The following SLC22A23 variants were observed in gnomAD, a reference collection of about 807,000 sequenced individuals.
The protein encoded by SLC22A23 is ion transporter protein.
Under a neutral mutation model 61.0 loss-of-function variants are expected in SLC22A23, and 26 were observed. That is an observed-to-expected ratio of 0.43 (90% CI 0.31 to 0.59). The LOEUF is 0.59. Among genes scored for constraint, SLC22A23 ranks in the 20% least tolerant of loss-of-function variants. The pLI is 0.11. For missense variants in SLC22A23, 796 were observed against 934.7 expected, an observed-to-expected ratio of 0.85 and a Z score of 1.94; for synonymous variants, 430 against 413.9, an observed-to-expected ratio of 1.04 and a Z score of -0.47.
At position 3,296,333 on chromosome 6, in the gene SLC22A23, T is replaced by C. The variant is rs1320220287; in HGVS notation, c.1210+1758A>G. On this transcript the variant is annotated intron_variant, in intron 5 of 9. Coordinates refer to ENST00000406686, the MANE Select transcript of SLC22A23 (RefSeq NM_015482.2). ...GTGGCAAAGCCACCCCTGCTGGACT[T>C]TGCACCCCTGCTGGACAAGTCCTCG... Among the ~76,000 whole-genome samples the C allele has an allele frequency of 2.0e-5, 3 of 152,166 alleles. No homozygotes were observed. The South Asian group carries it at 6.2e-4, about 32-fold the overall frequency.
rs575444961 is a variant in SLC22A23 at position 3,362,839 on chromosome 6, T to C, written c.914-38837A>G. Among the ~76,000 whole-genome samples, 16 of 117,976 alleles carry C rather than the reference T, an allele frequency of 1.4e-4. No homozygotes were observed. In the South Asian group the frequency reaches 5.3e-3, roughly 39 times the overall value. 77.4% of individuals were successfully genotyped at this position (117,976 alleles called of 152,430 possible). A position where few individuals can be genotyped will look rare whatever the true frequency, so the allele number is the denominator to read the frequency against. ...CATTAAGGACCATCGAATAAAGATTTTGAGGGCAAGGGGAATGGGGTGGTG... is the reference window on the plus strand; with the variant it reads ...CATTAAGGACCATCGAATAAAGATTCTGAGGGCAAGGGGAATGGGGTGGTG... On this transcript the variant is annotated intron_variant, in intron 3 of 9. Transcript: ENST00000406686.
rs1763379855 is a variant in SLC22A23, at chr6:3,328,126, T to A, written c.914-4124A>T. Among the ~76,000 whole-genome samples the A allele has an allele frequency of 6.6e-6, 1 of 151,490 alleles. No individual in the cohort carries two copies. Among genetic ancestry groups the A allele is most frequent in the South Asian group, 2.1e-4 (1 of 4,766 alleles). On this transcript the variant is annotated intron_variant, in intron 3 of 9. Coordinates refer to ENST00000406686, the MANE Select transcript of SLC22A23 (RefSeq NM_015482.2). This position sits in a 1 kb window ranked among gnomAD's most constrained non-coding sequence, Gnocchi z 5.0. Reference sequence around the variant, plus strand: ...CAACCGTTACTTTTCCCCTAACACCTTAATGAAGAATGCTTACAAGCTACT... The same window carrying A: ...CAACCGTTACTTTTCCCCTAACACCATAATGAAGAATGCTTACAAGCTACT...
Position 3,308,983 on chromosome 6 carries a change from C to CCA in SLC22A23, c.1083-10767_1083-10766dup, listed in dbSNP as rs373415694. Among the ~76,000 whole-genome samples, 12 of 151,918 alleles carry CCA rather than the reference C, an allele frequency of 7.9e-5. 1 individual carries two copies. Among genetic ancestry groups the CCA allele is most frequent in the African/African-American group, 2.9e-4 (12 of 41,408 alleles). ...AAACCAACCAAAAAACCCCAACAACCCACAGTGTGGATCGGCAGGTCCCTA... is the reference window on the plus strand; with the variant it reads ...AAACCAACCAAAAAACCCCAACAACCCACACAGTGTGGATCGGCAGGTCCCTA... On this transcript the variant is annotated intron_variant, in intron 4 of 9. Coordinates refer to ENST00000406686, the MANE Select transcript of SLC22A23 (RefSeq NM_015482.2). The surrounding 1 kb of genome is among the most constrained non-coding windows in gnomAD (Gnocchi z 5.1).
chr6:3,305,226 C>T (rs1286271198), intron 4 of SLC22A23, among the ~76,000 whole-genome samples: 2 of 152,146 alleles, frequency 1.3e-5, no homozygotes, highest in African/African-American at 4.8e-5. Context: ...AGTACATTGC[C>T]CAGGATTACA....
At chr6:3,440,125 G>A (rs572863791) in intron 1 of SLC22A23, among the ~76,000 whole-genome samples, 1 of 152,228 alleles carries the variant, frequency 6.6e-6, no homozygotes, top group Non-Finnish European at 1.5e-5. Flanking sequence ...ATAAGATCAG[G>A]TACCACAAGA....
intron 3 of SLC22A23, among the ~76,000 whole-genome samples, chr6:3,408,864 G>C (rs1769005451): frequency 6.6e-6 from 1 of 152,220 alleles, no homozygotes; most frequent in Non-Finnish European, 1.5e-5. Flanking sequence ...GCCTGACAAG[G>C]ACGGCTGCCC....
chr6:3,384,851 G>A (rs1767187517), intron 3 of SLC22A23, among the ~76,000 whole-genome samples: 1 of 152,174 alleles, frequency 6.6e-6, no homozygotes, highest in Admixed American at 6.6e-5. Context: ...ACCTAAGTGT[G>A]AATGGGTGAA....
intron 1 of SLC22A23, among the ~76,000 whole-genome samples, chr6:3,430,139 G>A (rs1403498686): frequency 1.3e-5 from 2 of 152,196 alleles, no homozygotes; most frequent in Non-Finnish European, 2.9e-5. Flanking sequence ...CTTAAACATG[G>A]ATGGCAGAGC....
intron 4 of SLC22A23, among the ~76,000 whole-genome samples, chr6:3,306,811 C>T (rs1335641747): frequency 1.3e-5 from 2 of 152,182 alleles, no homozygotes; most frequent in Non-Finnish European, 2.9e-5. Context: ...TTTCTCTTTG[C>T]TTCTAAAGAG....
chr6:3,437,975 G>A (rs917215011), intron 1 of SLC22A23, among the ~76,000 whole-genome samples: 6 of 151,992 alleles, frequency 3.9e-5, no homozygotes. Context: ...GTAAGCCCCA[G>A]ACAGGCTCCT....
chr6:3,280,809 T>G (rs974774162), intron 9 of SLC22A23, among the ~76,000 whole-genome samples: 3 of 152,168 alleles, frequency 2.0e-5, no homozygotes, highest in African/African-American at 7.2e-5. Context: ...AAGATACAAC[T>G]TTTTAAAGAA....
rs769070252 is a variant in SLC22A23 at position 3,443,241 on chromosome 6, G to A, written c.654+12665C>T. ...GGTGACAACACACTTTGTCAACAAGGGACTCTGCATTTTTATTTTCCACGG... is the reference window on the plus strand; with the variant it reads ...GGTGACAACACACTTTGTCAACAAGAGACTCTGCATTTTTATTTTCCACGG... On this transcript the variant is annotated intron_variant, in intron 1 of 9. Transcript: ENST00000406686. 4.1e-4 allele frequency among the ~76,000 whole-genome samples: 63 copies of A among 152,338 alleles called. 1 individual carries two copies. In the Middle Eastern group the frequency reaches 0.01, roughly 25 times the overall value.
intron 4 of SLC22A23, among the ~76,000 whole-genome samples, chr6:3,321,790 C>T (rs937849161): frequency 2.0e-5 from 3 of 152,226 alleles, no homozygotes; most frequent in African/African-American, 7.2e-5. Flanking sequence ...GTGCCCTGTT[C>T]TCCTAGCCTA....
chr6:3,335,981 C>A (rs1462941096), intron 3 of SLC22A23, among the ~76,000 whole-genome samples: 1 of 151,718 alleles, frequency 6.6e-6, no homozygotes, highest in East Asian at 1.9e-4. Context: ...CCCAGTTACT[C>A]GGGAGGCTGA....
At chr6:3,431,755 G>C (rs1330684506) in intron 1 of SLC22A23, among the ~76,000 whole-genome samples, 2 of 152,208 alleles carry the variant, frequency 1.3e-5, no homozygotes, top group South Asian at 2.1e-4. Flanking sequence ...GGTTCTGAAA[G>C]TGAGGGCACA....
At chr6:3,409,480 T>C (rs148344505) in intron 3 of SLC22A23, among the ~76,000 whole-genome samples, 1 of 152,302 alleles carries the variant, frequency 6.6e-6, no homozygotes, top group East Asian at 1.9e-4. Context: ...ACAAAATACA[T>C]GGTAAATCTT....
intron 3 of SLC22A23, among the ~76,000 whole-genome samples, chr6:3,370,871 G>C (rs561926571): frequency 3.3e-5 from 5 of 152,306 alleles, no homozygotes; most frequent in Non-Finnish European, 7.3e-5. Context: ...TCCTACCTGA[G>C]ATTTATTTAC....
Position 3,272,561 on chromosome 6 carries a change from T to C in SLC22A23, c.*494A>G, listed in dbSNP as rs559305319. 2.6e-5 allele frequency: 4 copies of C among 152,858 alleles called. No homozygotes were observed. Among genetic ancestry groups the C allele is most frequent in the African/African-American group, 4.8e-5 (2 of 41,466 alleles). 9.5% of individuals were successfully genotyped at this position (152,858 alleles called of 1,614,324 possible). ...GACTCTAGCAAAAGCCAAATTCATG[T>C]ACATTTCACTCCGTCTAAAATGCAG... On this transcript the variant is annotated 3_prime_UTR_variant, in exon 10 of 10. Coordinates refer to ENST00000406686, the MANE Select transcript of SLC22A23 (RefSeq NM_015482.2).
Position 3,410,694 on chromosome 6 carries a change from C to A in SLC22A23, c.759-352G>T, listed in dbSNP as rs1195624281. Among the ~76,000 whole-genome samples, 2 of 152,094 alleles carry A rather than the reference C, an allele frequency of 1.3e-5. No individual in the cohort carries two copies. Among genetic ancestry groups the A allele is most frequent in the Non-Finnish European group, 2.9e-5 (2 of 68,026 alleles). ...AATTCTCCAAACAGGAACCTTGATA[C>A]ACCCAGCATAAAAAGTCTTGAGAAA... On this transcript the variant is annotated intron_variant, in intron 2 of 9. Transcript: ENST00000406686. This position sits in a 1 kb window ranked among gnomAD's most constrained non-coding sequence, Gnocchi z 5.0.
Sources: gnomAD v4.1 joint callset for allele counts (sites outside exome capture counted in the v4.1 genomes callset) on GRCh38, gnomAD v4.1.1 for gene constraint, Gnocchi (gnomAD v3.1) non-coding constraint, MANE v1.5 for transcripts, NCBI Gene and HGNC (gene_info 2026-07-23, HGNC 2026-07-21) for gene names.